Variants in DDHD1 observed in about 807,000 individuals in gnomAD.
DDHD1 encodes the protein phospholipase DDHD1.
A neutral mutation model predicts 96.4 loss-of-function variants in DDHD1; 49 were observed. The observed-to-expected ratio is 0.51, with a 90% confidence interval of 0.40 to 0.64. The LOEUF (loss-of-function observed/expected upper bound fraction) is 0.64, where lower values mean the gene tolerates loss of function less well. Among genes scored for constraint, DDHD1 ranks in the 30% least tolerant of loss-of-function variants. The pLI is 0.00. For synonymous variants in DDHD1, 442 were observed against 446.5 expected (o/e 0.99, Z 0.13); for missense variants, 1,106 against 1,161.2 (o/e 0.95, Z 0.69).
In DDHD1 at chr14:53,107,742, G is replaced by A. The variant is rs185450948; in HGVS notation, c.839-3886C>T. On this transcript the variant is annotated intron_variant, in intron 1 of 12. Transcript: ENST00000673822. Reference sequence around the variant, plus strand: ...GGAGGCGGAGGTTGCAGTGAGCTGAGATCGTGCTGAGAGACAGGACTAGCT... The same window carrying A: ...GGAGGCGGAGGTTGCAGTGAGCTGAAATCGTGCTGAGAGACAGGACTAGCT... 2.6e-5 allele frequency among the ~76,000 whole-genome samples: 4 copies of A among 152,292 alleles called. No individual in the cohort carries two copies. The East Asian group carries it at 7.7e-4, about 29-fold the overall frequency.
chr14:53,103,345 A>G, intron 2 of DDHD1: 1 of 368,156 alleles, frequency 2.7e-6, no homozygotes, highest in Non-Finnish European at 4.8e-6. Context: ...TTGTCTTGAT[A>G]TAACAACAAG....
chr14:53,101,495 A>G (rs1293781013), intron 2 of DDHD1, among the ~76,000 whole-genome samples: 1 of 152,108 alleles, frequency 6.6e-6, no homozygotes, highest in Non-Finnish European at 1.5e-5. Flanking sequence ...TGAACCTCAA[A>G]GAATCATCAT....
rs578158566 is a variant in DDHD1, at chr14:53,121,092, G to GA, written c.839-17237dup. ...ATCTACAAGGAACTTAAATCTACAA[G>GA]AAAAAAAAACCCATCAAAAAGTGGG... On this transcript the variant is annotated intron_variant, in intron 1 of 12. Coordinates refer to ENST00000673822, the MANE Select transcript of DDHD1 (RefSeq NM_001160148.2). Among the ~76,000 whole-genome samples, 78 of 148,008 alleles carry GA rather than the reference G, an allele frequency of 5.3e-4. 1 individual carries two copies. Among genetic ancestry groups the GA allele is most frequent in the Non-Finnish European group, 9.0e-4 (60 of 66,594 alleles).
intron 1 of DDHD1, among the ~76,000 whole-genome samples, chr14:53,105,349 G>C (rs950166120): frequency 4.6e-5 from 7 of 151,900 alleles, no homozygotes; most frequent in African/African-American, 1.4e-4. Context: ...ATGATCTTGA[G>C]ACATCTTGTC....
At chr14:53,083,751 T>A (rs528515669) in intron 4 of DDHD1, among the ~76,000 whole-genome samples, 1 of 152,218 alleles carries the variant, frequency 6.6e-6, no homozygotes. Context: ...AGGGAAATGG[T>A]AAGAAATCCT....
At chr14:53,078,845 G>A (rs1267433699) in intron 4 of DDHD1, among the ~76,000 whole-genome samples, 3 of 152,120 alleles carry the variant, frequency 2.0e-5, no homozygotes, top group African/African-American at 7.2e-5. Context: ...CAGGCTTTTT[G>A]TAGATGCCCT....
chr14:53,103,428 T>C, intron 2 of DDHD1: 1 of 389,160 alleles, frequency 2.6e-6, no homozygotes, highest in Non-Finnish European at 4.5e-6. Flanking sequence ...GGGAGTGCAT[T>C]GTAACAATCT....
chr14:53,098,644 A>G (rs1887067807), intron 2 of DDHD1, among the ~76,000 whole-genome samples: 1 of 152,148 alleles, frequency 6.6e-6, no homozygotes, highest in African/African-American at 2.4e-5. Context: ...TAGTCACCAA[A>G]GAGAGAAGAA....
intron 1 of DDHD1, among the ~76,000 whole-genome samples, chr14:53,124,249 T>TTATATATATATATATA (rs35996453): frequency 2.7e-4 from 39 of 146,524 alleles, no homozygotes; most frequent in African/African-American, 9.3e-4. Context: ...AAAAAAAAAA[T>TTATATATATATATATA]TATATATATA....
intron 1 of DDHD1, among the ~76,000 whole-genome samples, chr14:53,124,616 T>C (rs1019165260): frequency 6.6e-6 from 1 of 152,186 alleles, no homozygotes; most frequent in African/African-American, 2.4e-5. Context: ...CAAACCACTT[T>C]GATAGAGGTA....
chr14:53,102,894 T>C, intron 2 of DDHD1: 1 of 812,744 alleles, frequency 1.2e-6, no homozygotes, highest in Non-Finnish European at 1.9e-6. Flanking sequence ...AATCAATTAA[T>C]ATTTTAATTC....
intron 4 of DDHD1, among the ~76,000 whole-genome samples, chr14:53,074,619 A>C (rs890646451): frequency 6.6e-6 from 1 of 151,916 alleles, no homozygotes; most frequent in Non-Finnish European, 1.5e-5. Context: ...ATTTTATAAT[A>C]TTAAAAATTT....
At chr14:53,151,368 TC>T (rs1006707014) in intron 1 of DDHD1, among the ~76,000 whole-genome samples, 14 of 152,338 alleles carry the variant, frequency 9.2e-5, no homozygotes, top group African/African-American at 3.4e-4. Flanking sequence ...ATTGAATATC[TC>T]CTATATATTA....
intron 4 of DDHD1, among the ~76,000 whole-genome samples, chr14:53,076,381 G>C (rs1884961541): frequency 6.6e-6 from 1 of 152,182 alleles, no homozygotes; most frequent in Non-Finnish European, 1.5e-5. Flanking sequence ...AAAATAAGCA[G>C]AGTGTGAAGA....
Position 53,046,995 on chromosome 14 carries a change from A to G in DDHD1, c.2522-46T>C, listed in dbSNP as rs760016422. Reference sequence around the variant, plus strand: ...ACAAATGAATACAGATTATAATAAAATATGTTCTATATAGACTTACTGGAG... The same window carrying G: ...ACAAATGAATACAGATTATAATAAAGTATGTTCTATATAGACTTACTGGAG... On this transcript the variant is annotated intron_variant, in intron 12 of 12. Coordinates refer to ENST00000673822, the MANE Select transcript of DDHD1 (RefSeq NM_001160148.2). The G allele has an allele frequency of 8.3e-5, 122 of 1,467,186 alleles. No individual in the cohort carries two copies. The Middle Eastern group carries it at 2.7e-3, about 32-fold the overall frequency. 90.9% of individuals were successfully genotyped at this position (1,467,186 alleles called of 1,614,324 possible). A position where few individuals can be genotyped will look rare whatever the true frequency, so the allele number is the denominator to read the frequency against.
chr14:53,143,113 T>C (rs1325741819), intron 1 of DDHD1, among the ~76,000 whole-genome samples: 4 of 152,228 alleles, frequency 2.6e-5, no homozygotes, highest in East Asian at 1.9e-4. Flanking sequence ...CCACGTTTTA[T>C]AGAAGAAGAA....
chr14:53,108,254 T>C (rs1417864237), intron 1 of DDHD1, among the ~76,000 whole-genome samples: 1 of 152,202 alleles, frequency 6.6e-6, no homozygotes, highest in Non-Finnish European at 1.5e-5. Context: ...GGCTAAAGGC[T>C]TGCCATTGTT....
chr14:53,048,858 G>C (rs1025847792), intron 12 of DDHD1: 2 of 152,150 alleles, frequency 1.3e-5, no homozygotes, highest in Non-Finnish European at 2.9e-5. Flanking sequence ...GAGTCAAGAT[G>C]AATTACAAAG....
intron 1 of DDHD1, among the ~76,000 whole-genome samples, chr14:53,123,409 A>G (rs1181892941): frequency 6.6e-6 from 1 of 152,052 alleles, no homozygotes; most frequent in Non-Finnish European, 1.5e-5. Flanking sequence ...CGGCCACCCA[A>G]AGTGCTGGGA....
Sources: gnomAD v4.1 joint callset for allele counts (sites outside exome capture counted in the v4.1 genomes callset) on GRCh38, gnomAD v4.1.1 for gene constraint, MANE v1.5 for transcripts, NCBI Gene and HGNC (gene_info 2026-07-23, HGNC 2026-07-21) for gene names.